FAT3: variants seen among roughly 807,000 people sequenced by gnomAD.
FAT3 encodes protocadherin Fat 3.
In FAT3, 95 loss-of-function variants were observed where a neutral mutation model predicts 310.2. The observed-to-expected ratio is 0.31, with a 90% confidence interval of 0.26 to 0.36. The LOEUF is 0.36. Among genes scored for constraint, FAT3 ranks in the 10% least tolerant of loss-of-function variants. FAT3 has a pLI of 1.00. For missense variants in FAT3, 5,408 were observed against 5,715.6 expected, an observed-to-expected ratio of 0.95 and a Z score of 1.74; for synonymous variants, 2,314 against 2,192.9, an observed-to-expected ratio of 1.06 and a Z score of -1.54.
In FAT3 at chr11:92,686,628, T is replaced by TA. The variant is rs571523064; in HGVS notation, c.3608-10748dup. Among the ~76,000 whole-genome samples, 533 of 151,970 alleles carry TA rather than the reference T, an allele frequency of 3.5e-3. 2 individuals carry two copies. Among genetic ancestry groups the TA allele is most frequent in the African/African-American group, 0.011 (468 of 41,462 alleles). On this transcript the variant is annotated intron_variant, in intron 3 of 27. Transcript: ENST00000525166. ...TAACTGGAAAATATGTGGGTTTTTT[T>TA]AAAAAAAAGCATTATCAGTCTTCTG...
intron 2 of FAT3, among the ~76,000 whole-genome samples, chr11:92,489,765 C>T (rs904654739): frequency 3.9e-5 from 6 of 152,020 alleles, no homozygotes; most frequent in East Asian, 1.9e-4. Flanking sequence ...TACTGTTTGT[C>T]GGGCTGGACG....
chr11:92,569,722 C>A (rs971286154), intron 3 of FAT3, among the ~76,000 whole-genome samples: 2 of 152,100 alleles, frequency 1.3e-5, no homozygotes, highest in African/African-American at 4.8e-5. Context: ...TAGTGGGAAC[C>A]CCACTGCATT....
In FAT3 at chr11:92,411,568, T is replaced by C. The variant is rs1950269826; in HGVS notation, c.3292+56164T>C. On this transcript the variant is annotated intron_variant, in intron 2 of 27. Coordinates refer to ENST00000525166, the MANE Select transcript of FAT3 (RefSeq NM_001367949.2). ...ATTTTGACAAGCCTTCTGGTGACAC[T>C]GAAAAACACTGGCTGTGTTTCGCAT... is the stretch of plus-strand genomic sequence containing the variant. Among the ~76,000 whole-genome samples the C allele has an allele frequency of 2.0e-5, 3 of 152,078 alleles. No homozygotes were observed. In the South Asian group the frequency reaches 6.2e-4, roughly 31 times the overall value.
At chr11:92,730,546 G>A (rs75686070) in intron 4 of FAT3, among the ~76,000 whole-genome samples, 2,955 of 152,198 alleles carry the variant, frequency 0.019, 44 homozygotes, top group Middle Eastern at 0.048. Flanking sequence ...TTTTTATCTT[G>A]ACTCCAAGTC....
At chr11:92,608,017 A>C (rs891312295) in intron 3 of FAT3, among the ~76,000 whole-genome samples, 3 of 152,096 alleles carry the variant, frequency 2.0e-5, no homozygotes, top group Admixed American at 1.3e-4. Context: ...TTTAATCTTA[A>C]AATGAAATAC....
chr11:92,623,512 G>A (rs184070833), intron 3 of FAT3, among the ~76,000 whole-genome samples: 1 of 152,186 alleles, frequency 6.6e-6, no homozygotes, highest in Non-Finnish European at 1.5e-5. Context: ...AAAGAGAATG[G>A]AAATATGCAT....
At chr11:92,514,653 A>C (rs1486159367) in intron 2 of FAT3, among the ~76,000 whole-genome samples, 1 of 152,166 alleles carries the variant, frequency 6.6e-6, no homozygotes, top group Admixed American at 6.6e-5. Flanking sequence ...GAATGGACAG[A>C]GGTCCTATCC....
chr11:92,878,212 A>G (rs1185718426), intron 22 of FAT3, among the ~76,000 whole-genome samples: 1 of 152,184 alleles, frequency 6.6e-6, no homozygotes, highest in Non-Finnish European at 1.5e-5. Flanking sequence ...GGTAAAATTT[A>G]TTCTATGTTA....
At chr11:92,709,440 C>T (rs149209388) in intron 4 of FAT3, among the ~76,000 whole-genome samples, 1 of 152,160 alleles carries the variant, frequency 6.6e-6, no homozygotes, top group Admixed American at 6.5e-5. Context: ...TTAGGCTATT[C>T]TTAGCTTCAT....
At chr11:92,565,210 C>T (rs1355035834) in intron 3 of FAT3, among the ~76,000 whole-genome samples, 3 of 150,066 alleles carry the variant, frequency 2.0e-5, no homozygotes, top group African/African-American at 7.3e-5. Context: ...GGGATATCAC[C>T]ACCGATCCCA....
At chr11:92,843,011 A>C (rs1196090661) in intron 18 of FAT3, among the ~76,000 whole-genome samples, 3 of 151,708 alleles carry the variant, frequency 2.0e-5, no homozygotes, top group African/African-American at 7.3e-5. Context: ...CAATAGAAGG[A>C]CCCTGTGAAG....
chr11:92,670,807 A>G (rs1943103896), intron 3 of FAT3, among the ~76,000 whole-genome samples: 1 of 152,222 alleles, frequency 6.6e-6, no homozygotes, highest in Non-Finnish European at 1.5e-5. Context: ...TTGTCTGGAC[A>G]TAAAAACACT....
chr11:92,853,531 G>A (rs6483193), intron 19 of FAT3, among the ~76,000 whole-genome samples: 126,275 of 152,086 alleles, frequency 0.83, 52,723 homozygotes, highest in African/African-American at 0.9. Flanking sequence ...CCCACCATTC[G>A]TCAGGTCCTG....
intron 3 of FAT3, among the ~76,000 whole-genome samples, chr11:92,623,004 G>A (rs769566227): frequency 4.6e-5 from 7 of 152,062 alleles, no homozygotes; most frequent in Non-Finnish European, 1.0e-4. Flanking sequence ...AGCAAGCTTG[G>A]ATTCAAGGCA....
At chr11:92,766,028 A>G (rs1171115864) in intron 6 of FAT3, among the ~76,000 whole-genome samples, 1 of 152,062 alleles carries the variant, frequency 6.6e-6, no homozygotes, top group Non-Finnish European at 1.5e-5. Context: ...AATGGAACCT[A>G]GATATATAGC....
At chr11:92,305,398 G>A (rs563493235) in intron 1 of FAT3, among the ~76,000 whole-genome samples, 2 of 152,194 alleles carry the variant, frequency 1.3e-5, no homozygotes, top group South Asian at 2.1e-4. Flanking sequence ...TAAACACCAC[G>A]GCAATAATTG....
intron 2 of FAT3, among the ~76,000 whole-genome samples, chr11:92,512,960 A>C (rs1953354604): frequency 1.1e-5 from 1 of 93,680 alleles, no homozygotes; most frequent in Non-Finnish European, 2.1e-5. Flanking sequence ...GTCTCTACTA[A>C]AAATACAAAA....
chr11:92,394,142 A>G (rs967573458), intron 2 of FAT3, among the ~76,000 whole-genome samples: 2 of 152,144 alleles, frequency 1.3e-5, no homozygotes, highest in East Asian at 1.9e-4. Context: ...AGGAGGCACT[A>G]TAGTGTGGTT....
At chr11:92,524,493 C>G in intron 2 of FAT3, 141 bp from the exon 3 acceptor site, 1 of 675,040 alleles carries the variant, frequency 1.5e-6, no homozygotes, top group Non-Finnish European at 2.4e-6. Flanking sequence ...TAAAGAGTGA[C>G]ATCTTAATTT....
Sources: allele counts gnomAD v4.1 joint callset (sites outside exome capture counted in the v4.1 genomes callset), GRCh38; gene constraint gnomAD v4.1.1; transcripts MANE v1.5; gene names NCBI Gene and HGNC (gene_info 2026-07-23, HGNC 2026-07-21).